Variants in SDK1 observed in about 807,000 individuals in gnomAD.
The protein encoded by SDK1 is sidekick cell adhesion molecule 1, also known as protein sidekick-1.
A neutral mutation model predicts 245.5 loss-of-function variants in SDK1; 157 were observed. That is an observed-to-expected ratio of 0.64 (90% CI 0.56 to 0.73). The LOEUF is 0.73. SDK1 is among the 30% of genes least tolerant of loss of function. The pLI is 0.00. For synonymous variants in SDK1, 1,647 were observed against 1,278.5 expected (o/e 1.29, Z -6.15); for missense variants, 3,583 against 3,002.3 (o/e 1.19, Z -4.52).
intron 22 of SDK1, among the ~76,000 whole-genome samples, chr7:4,100,461 T>C (rs1029875120): frequency 6.6e-6 from 1 of 151,976 alleles, no homozygotes; most frequent in Non-Finnish European, 1.5e-5. Flanking sequence ...CGCTGTGGAC[T>C]GAGCGTGCCC....
chr7:3,480,489 A>T (rs1583922426), intron 1 of SDK1, among the ~76,000 whole-genome samples: 2 of 152,160 alleles, frequency 1.3e-5, no homozygotes, highest in East Asian at 3.9e-4. Context: ...ACATACGCTC[A>T]TGTAGGAACT....
At chr7:3,369,640 A>G (rs1207461258) in intron 1 of SDK1, among the ~76,000 whole-genome samples, 4 of 152,222 alleles carry the variant, frequency 2.6e-5, no homozygotes, top group African/African-American at 9.6e-5. Context: ...GGATAGCACA[A>G]AATGTTTCCT....
rs4385365 is a variant in SDK1 at position 3,321,228 on chromosome 7, C to A, written c.298+19344C>A. On this transcript the variant is annotated intron_variant, in intron 1 of 44. Transcript: ENST00000404826. ...ACTATAGAATTTCTTTTGACAGATT[C>A]CTTAGAAACGTCAAAATCAAAGTGA... Among the ~76,000 whole-genome samples, 36 of 152,128 alleles carry A rather than the reference C, an allele frequency of 2.4e-4. 1 individual carries two copies. The East Asian group carries it at 5.8e-3, about 25-fold the overall frequency.
intron 10 of SDK1, among the ~76,000 whole-genome samples, chr7:3,968,611 G>A (rs1355396818): frequency 1.3e-5 from 2 of 152,110 alleles, no homozygotes; most frequent in African/African-American, 4.8e-5. Flanking sequence ...AATACATGCA[G>A]ATATAAAGAA....
At chr7:3,755,474 T>C (rs1779895265) in intron 4 of SDK1, among the ~76,000 whole-genome samples, 1 of 152,142 alleles carries the variant, frequency 6.6e-6, no homozygotes, top group African/African-American at 2.4e-5. Context: ...TGCCTGGCAG[T>C]GTATGAACTG....
intron 4 of SDK1, among the ~76,000 whole-genome samples, chr7:3,737,369 G>A: frequency 6.6e-6 from 1 of 152,226 alleles, no homozygotes; most frequent in South Asian, 2.1e-4. Flanking sequence ...CCTGGGTGGT[G>A]CAGGGGGGCG....
At position 3,496,919 on chromosome 7, in the gene SDK1, A is replaced by G. The variant is rs191248249; in HGVS notation, c.299-122161A>G. ...CAGATGCCTCTTCAGAGGTCACCTG[A>G]TTTAATTGTGGTTGTGAAGCAGCCA... On this transcript the variant is annotated intron_variant, in intron 1 of 44. Coordinates refer to ENST00000404826, the MANE Select transcript of SDK1 (RefSeq NM_152744.4). Among the ~76,000 whole-genome samples the G allele has an allele frequency of 2.4e-3, 373 of 152,270 alleles. 3 individuals are homozygous for G. The highest frequency in any genetic ancestry group is 0.019 in the South Asian group (90 of 4,826).
At chr7:4,214,499 T>A (rs926164411) in intron 38 of SDK1, among the ~76,000 whole-genome samples, 3 of 152,220 alleles carry the variant, frequency 2.0e-5, no homozygotes, top group Admixed American at 2.0e-4. Flanking sequence ...ACCGAGGCAA[T>A]GTGCTCTGAG....
chr7:3,991,947 A>C (rs1251506532), intron 14 of SDK1, among the ~76,000 whole-genome samples: 1 of 152,262 alleles, frequency 6.6e-6, no homozygotes, highest in Non-Finnish European at 1.5e-5. Flanking sequence ...GCCAGAAAGA[A>C]CAGCTTAGCA....
chr7:3,523,460 C>G (rs1783012416), intron 1 of SDK1, among the ~76,000 whole-genome samples: 1 of 152,110 alleles, frequency 6.6e-6, no homozygotes, highest in African/African-American at 2.4e-5. Context: ...CCACTGAGTG[C>G]TAGATTAGTG....
At chr7:4,037,105 C>G (rs1484942337) in intron 17 of SDK1, among the ~76,000 whole-genome samples, 5 of 152,180 alleles carry the variant, frequency 3.3e-5, no homozygotes, top group African/African-American at 1.2e-4. Context: ...TTGCAAAACT[C>G]TTTGGACAGC....
intron 4 of SDK1, among the ~76,000 whole-genome samples, chr7:3,801,887 C>G (rs1031594825): frequency 6.6e-6 from 1 of 152,210 alleles, no homozygotes; most frequent in Non-Finnish European, 1.5e-5. Context: ...TCCCTGAAAA[C>G]TCCAGTGAGA....
chr7:3,577,538 G>A (rs539354510), intron 1 of SDK1, among the ~76,000 whole-genome samples: 3 of 151,994 alleles, frequency 2.0e-5, no homozygotes, highest in African/African-American at 4.8e-5. Context: ...CCACCTCAAG[G>A]GTAACCTTCT....
intron 1 of SDK1, among the ~76,000 whole-genome samples, chr7:3,376,771 A>G (rs1781366074): frequency 1.3e-5 from 2 of 152,184 alleles, no homozygotes; most frequent in Non-Finnish European, 2.9e-5. Flanking sequence ...AGGTAATCGG[A>G]CACACACAGA....
At chr7:3,345,294 G>T (rs1297395334) in intron 1 of SDK1, among the ~76,000 whole-genome samples, 1 of 152,004 alleles carries the variant, frequency 6.6e-6, no homozygotes, top group Non-Finnish European at 1.5e-5. Flanking sequence ...ATCTTCAAAA[G>T]AATACATTGA....
At chr7:3,463,809 C>T (rs1261608154) in intron 1 of SDK1, among the ~76,000 whole-genome samples, 1 of 152,094 alleles carries the variant, frequency 6.6e-6, no homozygotes, top group Admixed American at 6.5e-5. Flanking sequence ...ATGTTCCCTC[C>T]AGGACAGGCC....
chr7:3,465,523 CT>C (rs1247379358), intron 1 of SDK1, among the ~76,000 whole-genome samples: 2 of 152,108 alleles, frequency 1.3e-5, no homozygotes, highest in Non-Finnish European at 2.9e-5. Context: ...CAGAAGCTTC[CT>C]TTTCTTCCTT....
At chr7:4,115,280 A>G (rs1355230441) in intron 25 of SDK1, among the ~76,000 whole-genome samples, 1 of 152,116 alleles carries the variant, frequency 6.6e-6, no homozygotes, top group Non-Finnish European at 1.5e-5. Context: ...TGACAGATGG[A>G]GGGGCTGTTC....
chr7:3,723,591 A>G (rs1778891436), intron 4 of SDK1, among the ~76,000 whole-genome samples: 1 of 152,124 alleles, frequency 6.6e-6, no homozygotes, highest in South Asian at 2.1e-4. Flanking sequence ...ATTAAAGTAT[A>G]TGTTGTTTTC....
Sources: gnomAD v4.1 joint callset for allele counts (sites outside exome capture counted in the v4.1 genomes callset) on GRCh38, gnomAD v4.1.1 for gene constraint, MANE v1.5 for transcripts, NCBI Gene and HGNC (gene_info 2026-07-23, HGNC 2026-07-21) for gene names.